The following KCNQ3 variants were observed in gnomAD, a reference collection of about 807,000 sequenced individuals.
KCNQ3 encodes potassium voltage-gated channel subfamily KQT member 3.
Under a neutral mutation model 92.5 loss-of-function variants are expected in KCNQ3, and 30 were observed. The observed-to-expected ratio is 0.32, with a 90% confidence interval of 0.24 to 0.44. The LOEUF (loss-of-function observed/expected upper bound fraction) is 0.44, where lower values mean the gene tolerates loss of function less well. KCNQ3 is among the 20% of genes least tolerant of loss of function. The pLI is 1.00. For missense variants in KCNQ3, 913 were observed against 1,140.3 expected (o/e 0.80, Z 2.87); for synonymous variants, 450 against 468.8 (o/e 0.96, Z 0.52).
rs757723689 is a variant in KCNQ3, at chr8:132,480,137, G to T, written c.386+10C>A. On this transcript the variant is annotated intron_variant, in intron 1 of 14. Transcript: ENST00000388996. Reference sequence around the variant, plus strand: ...GCCGCCGAGGGCGCCCCGAGCGGCCGGGTACTCACACCAACGCGTGGTAAA... The same window carrying T: ...GCCGCCGAGGGCGCCCCGAGCGGCCTGGTACTCACACCAACGCGTGGTAAA... The T allele has an allele frequency of 6.2e-7, 1 of 1,608,748 alleles. No homozygotes were observed. Among genetic ancestry groups the T allele is most frequent in the South Asian group, 1.1e-5 (1 of 90,578 alleles).
intron 1 of KCNQ3, chr8:132,277,935 C>T: frequency 1.0e-6 from 1 of 985,286 alleles, no homozygotes; most frequent in African/African-American, 1.7e-5. Context: ...TAGCTTCTCA[C>T]TGCTTTCCAT....
intron 1 of KCNQ3, among the ~76,000 whole-genome samples, chr8:132,378,086 C>A (rs371312093): frequency 1.3e-5 from 2 of 152,138 alleles, no homozygotes; most frequent in Non-Finnish European, 2.9e-5. Flanking sequence ...GTCATACAAA[C>A]ACATTTTTTA....
intron 1 of KCNQ3, among the ~76,000 whole-genome samples, chr8:132,429,819 C>T (rs1320611798): frequency 6.7e-6 from 1 of 149,274 alleles, no homozygotes; most frequent in African/African-American, 2.5e-5. Context: ...TGAGATCGTA[C>T]CACTGCACTC....
chr8:132,238,251 T>A (rs900149024), intron 1 of KCNQ3, among the ~76,000 whole-genome samples: 1 of 152,062 alleles, frequency 6.6e-6, no homozygotes, highest in African/African-American at 2.4e-5. Context: ...AAACTCTCCC[T>A]CCTAGATAAG....
At chr8:132,260,615 G>A (rs1815750836) in intron 1 of KCNQ3, among the ~76,000 whole-genome samples, 1 of 152,158 alleles carries the variant, frequency 6.6e-6, no homozygotes, top group Non-Finnish European at 1.5e-5. Context: ...GGCATTAGCT[G>A]AAAAATTGAA....
At chr8:132,461,218 A>T (rs551600634) in intron 1 of KCNQ3, among the ~76,000 whole-genome samples, 1 of 152,286 alleles carries the variant, frequency 6.6e-6, no homozygotes, top group South Asian at 2.1e-4. Flanking sequence ...TGGATATAAG[A>T]TTTCAAATGA....
intron 1 of KCNQ3, among the ~76,000 whole-genome samples, chr8:132,367,894 C>G (rs1406840185): frequency 6.6e-6 from 1 of 152,132 alleles, no homozygotes; most frequent in Admixed American, 6.5e-5. Context: ...GAGAATATGA[C>G]CGGGCATGCA....
At chr8:132,170,509 GTTTAAGCCCTGGACTC>G in intron 7 of KCNQ3, 81 bp from the exon 8 acceptor site, 1 of 875,506 alleles carries the variant, frequency 1.1e-6, no homozygotes, top group East Asian at 2.4e-5. Flanking sequence ...ACAAAACAAT[GTTTAAGCCCTGGACTC>G]CTAAGAATTT....
rs1156791120 is a variant in KCNQ3 at position 132,121,212 on chromosome 8, G to T, written c.*8050C>A. 3.3e-5 allele frequency: 5 copies of T among 152,142 alleles called. No homozygotes were observed. Among genetic ancestry groups the T allele is most frequent in the African/African-American group, 1.2e-4 (5 of 41,424 alleles). The allele number at this position is 152,142 out of a possible 1,614,324, so 9.4% of individuals were successfully genotyped here. A position where few individuals can be genotyped will look rare whatever the true frequency, so the allele number is the denominator to read the frequency against. On this transcript the variant is annotated 3_prime_UTR_variant, in exon 15 of 15. Coordinates refer to ENST00000388996, the MANE Select transcript of KCNQ3 (RefSeq NM_004519.4). ...CCAAAATCAAATATAATGGATTCAT[G>T]TCACTGGGAACCTCCATTTGTTCTT... is the stretch of plus-strand genomic sequence containing the variant.
At chr8:132,461,136 T>C (rs1265972338) in intron 1 of KCNQ3, among the ~76,000 whole-genome samples, 1 of 152,254 alleles carries the variant, frequency 6.6e-6, no homozygotes, top group Non-Finnish European at 1.5e-5. Flanking sequence ...TGTTTATCCA[T>C]TCATCTTGGT....
intron 1 of KCNQ3, among the ~76,000 whole-genome samples, chr8:132,414,513 G>A (rs1349933741): frequency 2.0e-5 from 3 of 152,242 alleles, no homozygotes; most frequent in Non-Finnish European, 4.4e-5. Flanking sequence ...CATCTGATAT[G>A]GCTGAATCCA....
chr8:132,298,802 G>A lies in KCNQ3; in HGVS notation c.387-112621C>T, dbSNP rs148928105. On this transcript the variant is annotated intron_variant, in intron 1 of 14. Transcript: ENST00000388996. Reference sequence around the variant, plus strand: ...CGGGCACCTGTAATCCCAGCTACTCGGAAGGCTGAGGCAGAGAATCCTTTG... The same window carrying A: ...CGGGCACCTGTAATCCCAGCTACTCAGAAGGCTGAGGCAGAGAATCCTTTG... Among the ~76,000 whole-genome samples the A allele has an allele frequency of 4.3e-4, 66 of 152,170 alleles. 2 individuals are homozygous for A. The highest frequency in any genetic ancestry group is 1.7e-4 in the African/African-American group (7 of 41,510).
At chr8:132,388,035 GGAAGAGGAA>G (rs1481497560) in intron 1 of KCNQ3, among the ~76,000 whole-genome samples, 6 of 109,352 alleles carry the variant, frequency 5.5e-5, no homozygotes, top group African/African-American at 1.8e-4. Flanking sequence ...AAGAAGAAGA[GGAAGAGGAA>G]GAAGAAGAAG....
intron 1 of KCNQ3, among the ~76,000 whole-genome samples, chr8:132,445,509 A>G (rs1465644264): frequency 6.7e-6 from 1 of 150,118 alleles, no homozygotes; most frequent in Non-Finnish European, 1.5e-5. Flanking sequence ...TGAATGAATG[A>G]TATTACTCAA....
At chr8:132,153,698 C>T (rs1330074668) in intron 9 of KCNQ3, among the ~76,000 whole-genome samples, 1 of 151,560 alleles carries the variant, frequency 6.6e-6, no homozygotes, top group Non-Finnish European at 1.5e-5. Flanking sequence ...AGAAAGAGGG[C>T]ATATGTGGGT....
chr8:132,242,160 T>C (rs1045208829), intron 1 of KCNQ3, among the ~76,000 whole-genome samples: 16 of 152,306 alleles, frequency 1.1e-4, no homozygotes, highest in African/African-American at 3.8e-4. Flanking sequence ...CATATGTGGG[T>C]AAGTGAGAGT....
At chr8:132,196,140 G>T (rs778784002) in intron 1 of KCNQ3, among the ~76,000 whole-genome samples, 1 of 151,946 alleles carries the variant, frequency 6.6e-6, no homozygotes, top group Admixed American at 6.6e-5. Context: ...TCAAAATTCC[G>T]TTCTTCTCCA....
At chr8:132,154,207 T>TTTTTTGTTTTTG in intron 9 of KCNQ3, among the ~76,000 whole-genome samples, 1 of 143,278 alleles carries the variant, frequency 7.0e-6, no homozygotes, top group African/African-American at 2.6e-5. Context: ...TTTTTTTTTT[T>TTTTTTGTTTTTG]TTTTTTTTTT....
intron 1 of KCNQ3, among the ~76,000 whole-genome samples, chr8:132,361,462 A>C (rs1804509368): frequency 6.6e-6 from 1 of 152,216 alleles, no homozygotes; most frequent in Non-Finnish European, 1.5e-5. Context: ...TGAATTTCTC[A>C]GAGTGAGGAC....
Sources: gnomAD v4.1 joint callset for allele counts (sites outside exome capture counted in the v4.1 genomes callset) on GRCh38, gnomAD v4.1.1 for gene constraint, MANE v1.5 for transcripts, NCBI Gene and HGNC (gene_info 2026-07-23, HGNC 2026-07-21) for gene names.